HEMK2: variants seen among roughly 807,000 people sequenced by gnomAD.
The protein encoded by HEMK2 is methyltransferase HEMK2.
the HEMK2 span, among the ~76,000 whole-genome samples, chr21:28,788,843 G>A: frequency 3.3e-5 from 5 of 152,080 alleles, no homozygotes; most frequent in African/African-American, 1.2e-4. Context: ...TACTGGATTA[G>A]GTAGGGCCCT....
chr21:28,641,098 G>C, the HEMK2 span, among the ~76,000 whole-genome samples: 2 of 151,532 alleles, frequency 1.3e-5, no homozygotes, highest in Non-Finnish European at 2.9e-5. Flanking sequence ...TTTTTCATCT[G>C]TCATTTTTCT....
At chr21:28,865,417 T>C in the HEMK2 span, among the ~76,000 whole-genome samples, 1 of 152,232 alleles carries the variant, frequency 6.6e-6, no homozygotes, top group African/African-American at 2.4e-5. Context: ...TCTGCTCACC[T>C]TGGCCTCCCA....
chr21:28,667,155 T>C, the HEMK2 span, among the ~76,000 whole-genome samples: 1 of 152,308 alleles, frequency 6.6e-6, no homozygotes, highest in East Asian at 1.9e-4. Flanking sequence ...TGATGAAATA[T>C]ATGCTCTTAT....
At chr21:28,614,615 C>T in the HEMK2 span, among the ~76,000 whole-genome samples, 2 of 152,076 alleles carry the variant, frequency 1.3e-5, no homozygotes, top group African/African-American at 4.8e-5. Flanking sequence ...ATTTGTAAAA[C>T]TAAATGACAT....
chr21:28,882,361 A>G, the HEMK2 span: 2 of 714,606 alleles, frequency 2.8e-6, no homozygotes, highest in South Asian at 3.5e-5. Flanking sequence ...TTTAGAAAAA[A>G]AAAAATTAGA....
At chr21:28,593,224 T>A in the HEMK2 span, among the ~76,000 whole-genome samples, 3 of 152,112 alleles carry the variant, frequency 2.0e-5, no homozygotes, top group South Asian at 4.1e-4. Flanking sequence ...TATATTAAAT[T>A]ACTTTCAGGC....
the HEMK2 span, among the ~76,000 whole-genome samples, chr21:28,689,103 C>T: frequency 6.7e-6 from 1 of 148,806 alleles, no homozygotes; most frequent in Non-Finnish European, 1.5e-5. Context: ...AATGTAATGA[C>T]AATTATACCA....
the HEMK2 span, among the ~76,000 whole-genome samples, chr21:28,702,179 C>G: frequency 1.2e-4 from 18 of 152,000 alleles, no homozygotes; most frequent in Non-Finnish European, 2.2e-4. Flanking sequence ...CAAAAACCAA[C>G]TCAAGATGGA....
chr21:28,766,147 C>A, the HEMK2 span, among the ~76,000 whole-genome samples: 10 of 151,858 alleles, frequency 6.6e-5, no homozygotes, highest in African/African-American at 1.9e-4. Context: ...CACACCAGGG[C>A]CTGTTGGGGG....
chr21:28,862,283 G>C, the HEMK2 span, among the ~76,000 whole-genome samples: 1 of 152,120 alleles, frequency 6.6e-6, no homozygotes, highest in Non-Finnish European at 1.5e-5. Context: ...CACTCCACTA[G>C]GAAAAAAACC....
chr21:28,683,185 CT>C, the HEMK2 span, among the ~76,000 whole-genome samples: 1 of 151,730 alleles, frequency 6.6e-6, no homozygotes, highest in Non-Finnish European at 1.5e-5. Flanking sequence ...CAAGAGAACA[CT>C]TCATAAGCCA....
the HEMK2 span, among the ~76,000 whole-genome samples, chr21:28,607,118 CAT>C: frequency 6.6e-6 from 1 of 152,050 alleles, no homozygotes; most frequent in Admixed American, 6.6e-5. Flanking sequence ...ATGGTAAAAA[CAT>C]TGTTTGAGGG....
chr21:28,879,252 T>A, the HEMK2 span, among the ~76,000 whole-genome samples: 615 of 151,314 alleles, frequency 4.1e-3, 7 homozygotes, highest in African/African-American at 0.014. Context: ...GCCTGGCTAA[T>A]TTTTTTTTGA....
the HEMK2 span, among the ~76,000 whole-genome samples, chr21:28,756,809 A>G: frequency 6.6e-6 from 1 of 152,224 alleles, no homozygotes; most frequent in African/African-American, 2.4e-5. Flanking sequence ...TCCAACAGCA[A>G]TATCATGTAA....
chr21:28,846,589 T>G, the HEMK2 span, among the ~76,000 whole-genome samples: 1 of 152,198 alleles, frequency 6.6e-6, no homozygotes, highest in South Asian at 2.1e-4. Context: ...GTTGGCCACA[T>G]GTATGTATTC....
At chr21:28,637,188 T>G in the HEMK2 span, among the ~76,000 whole-genome samples, 1 of 152,202 alleles carries the variant, frequency 6.6e-6, no homozygotes, top group Admixed American at 6.5e-5. Flanking sequence ...TTGCCACAAT[T>G]TTGTGGGCAG....
chr21:28,864,651 C>T, the HEMK2 span, among the ~76,000 whole-genome samples: 1 of 152,098 alleles, frequency 6.6e-6, no homozygotes. Flanking sequence ...CCTAACTTGC[C>T]CCCATGTTGT....
chr21:28,653,495 C>T, the HEMK2 span, among the ~76,000 whole-genome samples: 1 of 152,132 alleles, frequency 6.6e-6, no homozygotes, highest in South Asian at 2.1e-4. Context: ...CCTTCTAATA[C>T]TTTTATGACT....
At chr21:28,809,662 G>GT in the HEMK2 span, among the ~76,000 whole-genome samples, 1 of 152,138 alleles carries the variant, frequency 6.6e-6, no homozygotes, top group African/African-American at 2.4e-5. Flanking sequence ...CTGATACATA[G>GT]TTAACATTCA....
Sources: allele counts gnomAD v4.1 joint callset (sites outside exome capture counted in the v4.1 genomes callset), GRCh38; gene constraint gnomAD v4.1.1; transcripts MANE v1.5; gene names NCBI Gene and HGNC (gene_info 2026-07-23, HGNC 2026-07-21).